DHX35: variants seen among roughly 807,000 people sequenced by gnomAD.
The protein encoded by DHX35 is probable ATP-dependent RNA helicase DHX35.
In DHX35, 84 loss-of-function variants were observed where a neutral mutation model predicts 99.6. The observed-to-expected ratio is 0.84, with a 90% CI of 0.71 to 1.01. The LOEUF is 1.01. Ranked by LOEUF, DHX35 falls within the 50% of genes least tolerant of loss-of-function variation. The probability of loss-of-function intolerance (pLI) is 0.00; values close to 1 mark genes in which losing one functional copy is unlikely to be tolerated. For missense variants in DHX35, 852 were observed against 888.5 expected, an observed-to-expected ratio of 0.96 and a Z score of 0.52; for synonymous variants, 331 against 316.2, an observed-to-expected ratio of 1.05 and a Z score of -0.50.
chr20:38,984,327 A>G (rs1448224475), intron 4 of DHX35, among the ~76,000 whole-genome samples: 2 of 152,208 alleles, frequency 1.3e-5, no homozygotes, highest in Non-Finnish European at 2.9e-5. Flanking sequence ...TATTTTTAAA[A>G]CCCCAAATTT....
chr20:39,030,685 A>G lies in DHX35; in HGVS notation c.1884-19A>G. On this transcript the variant is annotated intron_variant, in intron 19 of 21. Transcript: ENST00000252011. ...AGTATTTAAAATGTGCTTCAGACAAAATTCTTCTATGTTCCAAGGACCATC... is the reference window on the plus strand; with the variant it reads ...AGTATTTAAAATGTGCTTCAGACAAGATTCTTCTATGTTCCAAGGACCATC... The G allele has an allele frequency of 4.3e-6, 7 of 1,612,836 alleles. No individual in the cohort carries two copies. The highest frequency in any genetic ancestry group is 4.2e-6 in the Non-Finnish European group (5 of 1,179,486).
At chr20:38,987,057 A>G (rs1408763417) in intron 4 of DHX35, among the ~76,000 whole-genome samples, 1 of 152,146 alleles carries the variant, frequency 6.6e-6, no homozygotes, top group Non-Finnish European at 1.5e-5. Context: ...GCCATGTTCT[A>G]AAGTCAGGAC....
intron 7 of DHX35, 95 bp from the exon 8 acceptor site, chr20:38,994,726 A>AG: frequency 2.0e-6 from 2 of 1,014,022 alleles, no homozygotes; most frequent in Non-Finnish European, 2.9e-6. Context: ...AGAAAAAAAA[A>AG]GACACTGAAT....
chr20:38,996,995 C>T (rs1418785082), intron 8 of DHX35, among the ~76,000 whole-genome samples: 2 of 151,932 alleles, frequency 1.3e-5, no homozygotes, highest in Non-Finnish European at 2.9e-5. Flanking sequence ...AAAATTATTC[C>T]AGTTTTTATT....
chr20:39,001,763 A>AGTGATCCAGCAAGGGATACATGT lies in DHX35; in HGVS notation c.684_706dup (p.Leu236GlnfsTer7). On this transcript the variant is annotated frameshift_variant, in exon 9 of 22. Transcript: ENST00000252011. LOFTEE classifies it high-confidence loss of function. ...GGATTTCTTTAATCAAAATGAAACC[A>AGTGATCCAGCAAGGGATACATGT]GTGATCCAGCAAGGGATACATGTGT... 6.2e-7 allele frequency: 1 copy of AGTGATCCAGCAAGGGATACATGT among 1,611,894 alleles called. No homozygotes were observed. The highest frequency in any genetic ancestry group is 8.5e-7 in the Non-Finnish European group (1 of 1,179,494).
chr20:38,980,471 A>G (rs2086154318), intron 3 of DHX35, among the ~76,000 whole-genome samples: 2 of 151,438 alleles, frequency 1.3e-5, no homozygotes, highest in Admixed American at 1.3e-4. Context: ...GGCACTTAAT[A>G]AGGTACTCAT....
chr20:38,993,225 A>G (rs537492348), intron 7 of DHX35, among the ~76,000 whole-genome samples: 2 of 152,252 alleles, frequency 1.3e-5, no homozygotes, highest in African/African-American at 4.8e-5. Flanking sequence ...AGTAGTCTCT[A>G]TATCTGTGCT....
chr20:38,968,284 A>G lies in DHX35; in HGVS notation c.41-797A>G, dbSNP rs919775523. On this transcript the variant is annotated intron_variant, in intron 1 of 21. Transcript: ENST00000252011. ...GTAGCCAACCTAAGGGGCTGGAAGG[A>G]ACCTGCAAGACGTGCCAAGATGAGA... Among the ~76,000 whole-genome samples, 4 of 152,278 alleles carry G rather than the reference A, an allele frequency of 2.6e-5. No homozygotes were observed. The East Asian group carries it at 7.7e-4, about 29-fold the overall frequency.
At chr20:39,019,588 C>A (rs1471508778) in intron 15 of DHX35, among the ~76,000 whole-genome samples, 2 of 152,152 alleles carry the variant, frequency 1.3e-5, no homozygotes, top group East Asian at 1.9e-4. Flanking sequence ...TTTTAATTGA[C>A]AAATAATAAT....
intron 13 of DHX35, among the ~76,000 whole-genome samples, chr20:39,011,977 G>A (rs889446440): frequency 3.0e-4 from 45 of 152,364 alleles, no homozygotes; most frequent in Middle Eastern, 3.4e-3. Context: ...GCTGAGCGTG[G>A]TGGCTTATGC....
At position 39,001,811 on chromosome 20, in the gene DHX35, A is replaced by G. The variant is rs1408769778; in HGVS notation, c.724A>G (p.Thr242Ala). The G allele has an allele frequency of 6.2e-7, 1 of 1,613,478 alleles. No homozygotes were observed. Among genetic ancestry groups the G allele is most frequent in the African/African-American group, 1.3e-5 (1 of 75,044 alleles). ...TCVILTVEGR[T>A]FPVDIFYLQS... ...TGTGATCCTTACAGTGGAAGGGAGAACATTTCCGGTGGATATCTTTTATCT... is the reference window on the plus strand; with the variant it reads ...TGTGATCCTTACAGTGGAAGGGAGAGCATTTCCGGTGGATATCTTTTATCT... The change falls in exon 9 of 22, where the codon ACA becomes GCA. Residue 242 changes from threonine to alanine, a missense_variant. Coordinates refer to ENST00000252011, the MANE Select transcript of DHX35 (RefSeq NM_021931.4).
At chr20:38,977,066 T>A (rs760717359) in intron 3 of DHX35, among the ~76,000 whole-genome samples, 1 of 152,176 alleles carries the variant, frequency 6.6e-6, no homozygotes, top group Non-Finnish European at 1.5e-5. Context: ...GGAGTGTACA[T>A]GTCTCTTTGA....
chr20:38,993,391 C>T (rs1260573165), intron 7 of DHX35, among the ~76,000 whole-genome samples: 1 of 151,932 alleles, frequency 6.6e-6, no homozygotes, highest in Non-Finnish European at 1.5e-5. Context: ...CGGAGTTTTG[C>T]CCTTGTTGCC....
intron 8 of DHX35, among the ~76,000 whole-genome samples, chr20:38,995,279 C>CT (rs1356039527): frequency 6.6e-6 from 1 of 152,216 alleles, no homozygotes; most frequent in Non-Finnish European, 1.5e-5. Context: ...AATCCCAGCA[C>CT]TTTGGGAGGC....
intron 1 of DHX35, among the ~76,000 whole-genome samples, chr20:38,967,665 A>T (rs186845179): frequency 1.4e-3 from 212 of 152,328 alleles, no homozygotes; most frequent in African/African-American, 4.8e-3. Context: ...ATGATGGGAT[A>T]TGGCTTCCCT....
chr20:38,975,458 G>C (rs2086061910), intron 3 of DHX35, among the ~76,000 whole-genome samples: 1 of 152,310 alleles, frequency 6.6e-6, no homozygotes, highest in Admixed American at 6.5e-5. Context: ...ATGTTGATCT[G>C]TTTAATCCTC....
chr20:39,035,332 A>G (rs1035251295), intron 21 of DHX35, among the ~76,000 whole-genome samples: 2 of 152,190 alleles, frequency 1.3e-5, no homozygotes, highest in Non-Finnish European at 2.9e-5. Flanking sequence ...TTGGTCTCCC[A>G]AAGTGTTGGG....
chr20:38,986,315 A>G (rs1365286815), intron 4 of DHX35, among the ~76,000 whole-genome samples: 1 of 152,152 alleles, frequency 6.6e-6, no homozygotes, highest in Non-Finnish European at 1.5e-5. Flanking sequence ...AAATCTATTA[A>G]AAAGCCAAGA....
At chr20:38,965,411 G>T (rs554791042) in intron 1 of DHX35, among the ~76,000 whole-genome samples, 2 of 152,336 alleles carry the variant, frequency 1.3e-5, no homozygotes, top group Non-Finnish European at 2.9e-5. Flanking sequence ...GTAGGCCTGA[G>T]CCTGTGATTA....
Sources: gnomAD v4.1 joint callset for allele counts (sites outside exome capture counted in the v4.1 genomes callset) on GRCh38, gnomAD v4.1.1 for gene constraint, MANE v1.5 for transcripts, NCBI Gene and HGNC (gene_info 2026-07-23, HGNC 2026-07-21) for gene names.